GRK5: variants seen among roughly 807,000 people sequenced by gnomAD.
The protein encoded by GRK5 is g protein-coupled receptor kinase GRK5.
Under a neutral mutation model 78.4 loss-of-function variants are expected in GRK5, and 40 were observed. That is an observed-to-expected ratio of 0.51 (90% confidence interval 0.40 to 0.66). The LOEUF (loss-of-function observed/expected upper bound fraction) is 0.66, where lower values mean the gene tolerates loss of function less well. GRK5 is among the 30% of genes least tolerant of loss of function. GRK5 has a pLI of 0.00. For synonymous variants in GRK5, 289 were observed against 296.8 expected, an observed-to-expected ratio of 0.97 and a Z score of 0.27; for missense variants, 598 against 759.9, an observed-to-expected ratio of 0.79 and a Z score of 2.50.
intron 1 of GRK5, among the ~76,000 whole-genome samples, chr10:119,249,783 G>A (rs1320350255): frequency 6.6e-6 from 1 of 152,222 alleles, no homozygotes; most frequent in African/African-American, 2.4e-5. Context: ...TTATAGGCGT[G>A]AGCCACTGCG....
intron 4 of GRK5, among the ~76,000 whole-genome samples, chr10:119,411,891 C>T (rs1474423572): frequency 1.6e-5 from 2 of 124,180 alleles, no homozygotes; most frequent in Non-Finnish European, 1.6e-5. Context: ...TGCTCTGTCG[C>T]CCAGTCTGGG....
chr10:119,435,239 A>G (rs1185579324), intron 8 of GRK5, among the ~76,000 whole-genome samples: 1 of 152,232 alleles, frequency 6.6e-6, no homozygotes, highest in African/African-American at 2.4e-5. Flanking sequence ...CTTGGGGATT[A>G]ACATTCAGCT....
At chr10:119,437,961 G>T (rs983889204) in intron 9 of GRK5, among the ~76,000 whole-genome samples, 7 of 152,200 alleles carry the variant, frequency 4.6e-5, no homozygotes, top group Admixed American at 6.5e-5. Context: ...AGCCGGATGC[G>T]GTGGCACGCG....
chr10:119,443,068 C>T (rs1271199998), intron 11 of GRK5, among the ~76,000 whole-genome samples: 3 of 152,082 alleles, frequency 2.0e-5, no homozygotes, highest in South Asian at 2.1e-4. Flanking sequence ...TCCAGACATA[C>T]GTGCTGATGC....
intron 1 of GRK5, among the ~76,000 whole-genome samples, chr10:119,233,201 CTCT>C (rs1192189758): frequency 2.0e-5 from 3 of 152,198 alleles, no homozygotes; most frequent in Admixed American, 2.0e-4. Context: ...CATCTACCCC[CTCT>C]TCTTCTGGCA....
At chr10:119,218,452 C>T (rs1312337056) in intron 1 of GRK5, among the ~76,000 whole-genome samples, 1 of 152,162 alleles carries the variant, frequency 6.6e-6, no homozygotes, top group Non-Finnish European at 1.5e-5. Context: ...TGGCATGGGT[C>T]TTAGCACTGC....
At chr10:119,413,906 A>C (rs1037820221) in intron 4 of GRK5, among the ~76,000 whole-genome samples, 3 of 152,060 alleles carry the variant, frequency 2.0e-5, no homozygotes, top group Admixed American at 6.5e-5. Context: ...GCCCCCGCCC[A>C]GGCCAGGCTT....
rs977799523 is a variant in GRK5 at position 119,458,836 on chromosome 10, G to A, written c.*3769G>A. On this transcript the variant is annotated 3_prime_UTR_variant, in exon 16 of 16. Coordinates refer to ENST00000392870, the MANE Select transcript of GRK5 (RefSeq NM_005308.3). Reference sequence around the variant, plus strand: ...CCAGCTACCCATCGACTTTCCCACCGAGCCGCTGCCCTCAAAACGGAGGGG... The same window carrying A: ...CCAGCTACCCATCGACTTTCCCACCAAGCCGCTGCCCTCAAAACGGAGGGG... The A allele has an allele frequency of 6.6e-6, 1 of 152,080 alleles. No individual in the cohort carries two copies. Among genetic ancestry groups the A allele is most frequent in the African/African-American group, 2.4e-5 (1 of 41,418 alleles). The allele number at this position is 152,080 out of a possible 1,614,324, so 9.4% of individuals were successfully genotyped here.
intron 2 of GRK5, among the ~76,000 whole-genome samples, chr10:119,369,761 G>A (rs973613365): frequency 6.6e-6 from 1 of 152,084 alleles, no homozygotes; most frequent in Non-Finnish European, 1.5e-5. Flanking sequence ...TCAGCCTGCC[G>A]GGCTTCCGGG....
intron 2 of GRK5, among the ~76,000 whole-genome samples, chr10:119,365,727 G>C (rs142292402): frequency 7.7e-4 from 117 of 152,234 alleles, no homozygotes; most frequent in African/African-American, 2.6e-3. Flanking sequence ...CTTTCCTTTC[G>C]GTTTTCTACA....
At chr10:119,268,953 C>T (rs1022292906) in intron 1 of GRK5, among the ~76,000 whole-genome samples, 4 of 152,172 alleles carry the variant, frequency 2.6e-5, no homozygotes, top group East Asian at 1.9e-4. Flanking sequence ...CACCCTGCAG[C>T]GGAGTCCCCA....
intron 1 of GRK5, among the ~76,000 whole-genome samples, chr10:119,317,394 G>T (rs978063668): frequency 1.3e-5 from 2 of 148,374 alleles, no homozygotes; most frequent in Non-Finnish European, 3.0e-5. Context: ...GCCCAAAATA[G>T]GTGTGAGGCT....
At position 119,345,158 on chromosome 10, in the gene GRK5, C is replaced by T. The variant is rs562508092; in HGVS notation, c.148+18547C>T. On this transcript the variant is annotated intron_variant, in intron 2 of 15. Transcript: ENST00000392870. ...TACTTTTTTGTATTTTTAGTAGAGA[C>T]GGGATTTCACCGTGTTAGCCAGGAT... is the stretch of plus-strand genomic sequence containing the variant. 8.6e-5 allele frequency among the ~76,000 whole-genome samples: 13 copies of T among 152,000 alleles called. No homozygotes were observed. In the South Asian group the frequency reaches 2.1e-3, roughly 24 times the overall value.
At position 119,227,344 on chromosome 10, in the gene GRK5, A is replaced by G. The variant is rs555750534; in HGVS notation, c.52+19375A>G. On this transcript the variant is annotated intron_variant, in intron 1 of 15. Transcript: ENST00000392870. ...CACTTTGGGAAGCCGAGGTGGGTGGATTGCTTGAGCCCAGGAGTTTGAGAC... is the reference window on the plus strand; with the variant it reads ...CACTTTGGGAAGCCGAGGTGGGTGGGTTGCTTGAGCCCAGGAGTTTGAGAC... 4.6e-5 allele frequency among the ~76,000 whole-genome samples: 7 copies of G among 152,248 alleles called. No individual in the cohort carries two copies. In the South Asian group the frequency reaches 1.5e-3, roughly 32 times the overall value.
At position 119,455,174 on chromosome 10, in the gene GRK5, G is replaced by A. The variant is rs757208515; in HGVS notation, c.*107G>A. On this transcript the variant is annotated 3_prime_UTR_variant, in exon 16 of 16. Coordinates refer to ENST00000392870, the MANE Select transcript of GRK5 (RefSeq NM_005308.3). ...TGGTGGGGCTGCCAGGGGAGACCCCGGGAGCCGGGGAAGGAGGCCGTCCAT... is the reference window on the plus strand; with the variant it reads ...TGGTGGGGCTGCCAGGGGAGACCCCAGGAGCCGGGGAAGGAGGCCGTCCAT... 48 of 899,682 alleles carry A rather than the reference G, an allele frequency of 5.3e-5. No individual in the cohort carries two copies. Among genetic ancestry groups the A allele is most frequent in the East Asian group, 3.5e-4 (14 of 40,074 alleles). The allele number at this position is 899,682 out of a possible 1,614,324, so 55.7% of individuals were successfully genotyped here. A position where few individuals can be genotyped will look rare whatever the true frequency, so the allele number is the denominator to read the frequency against.
Position 119,244,591 on chromosome 10 carries a change from G to A in GRK5, c.52+36622G>A, listed in dbSNP as rs527247479. Among the ~76,000 whole-genome samples the A allele has an allele frequency of 5.3e-5, 8 of 152,296 alleles. No homozygotes were observed. In the East Asian group the frequency reaches 5.8e-4, roughly 11 times the overall value. On this transcript the variant is annotated intron_variant, in intron 1 of 15. Coordinates refer to ENST00000392870, the MANE Select transcript of GRK5 (RefSeq NM_005308.3). ...CTACAGAAAAAACAAAAAATTAGCC[G>A]GGCATGGTGGCTTGGGCCTATAGTC...
At chr10:119,269,216 C>T (rs1285501568) in intron 1 of GRK5, among the ~76,000 whole-genome samples, 1 of 152,172 alleles carries the variant, frequency 6.6e-6, no homozygotes, top group African/African-American at 2.4e-5. Flanking sequence ...GACGCGTTCC[C>T]CCTGCTTGTT....
Position 119,379,839 on chromosome 10 carries a change from G to T in GRK5, c.149-976G>T, listed in dbSNP as rs1265579901. On this transcript the variant is annotated intron_variant, in intron 2 of 15. Coordinates refer to ENST00000392870, the MANE Select transcript of GRK5 (RefSeq NM_005308.3). The surrounding 1 kb of genome is among the most constrained non-coding windows in gnomAD (Gnocchi z 4.1). The stretch of plus-strand genomic sequence containing the variant: ...CAGCATGCCCTTCTTGTTTTCAGAG[G>T]AGAACACAGAGGCCCAGAGAGGGCA... Among the ~76,000 whole-genome samples, 2 of 152,148 alleles carry T rather than the reference G, an allele frequency of 1.3e-5. No homozygotes were observed. The highest frequency in any genetic ancestry group is 2.4e-5 in the African/African-American group (1 of 41,422).
Position 119,452,682 on chromosome 10 carries a change from G to A in GRK5, c.1416G>A (p.Val472=), listed in dbSNP as rs1354620498. 1.9e-6 allele frequency: 3 copies of A among 1,614,116 alleles called. No individual in the cohort carries two copies. In the South Asian group the frequency reaches 3.3e-5, roughly 18 times the overall value. The part of the protein sequence containing the change: ...DPPFVPDPRA[V]YCKDVLDIEQ... ...TCTGCCCCTGGCAGCCCCGCGCTGT[G>A]TACTGTAAGGACGTGCTGGACATCG... The change falls in exon 14 of 16, where the codon GTG becomes GTA. Residue 472 remains valine, a synonymous_variant. Transcript: ENST00000392870. This position sits in a 1 kb window ranked among gnomAD's most constrained non-coding sequence, Gnocchi z 4.4.
Sources: gnomAD v4.1 joint callset for allele counts (sites outside exome capture counted in the v4.1 genomes callset) on GRCh38, gnomAD v4.1.1 for gene constraint, Gnocchi (gnomAD v3.1) non-coding constraint, MANE v1.5 for transcripts, NCBI Gene and HGNC (gene_info 2026-07-23, HGNC 2026-07-21) for gene names.